Variants in DGKH observed in about 807,000 individuals in gnomAD.
DGKH encodes diacylglycerol kinase eta, also known as DAG kinase eta.
A neutral mutation model predicts 159.3 loss-of-function variants in DGKH; 90 were observed. That is an observed-to-expected ratio of 0.57 (90% CI 0.48 to 0.67). The LOEUF is 0.67. DGKH is among the 30% of genes least tolerant of loss of function. The pLI, the probability that DGKH is intolerant of heterozygous loss-of-function variation, is 0.00. For synonymous variants in DGKH, 536 were observed against 553.8 expected (o/e 0.97, Z 0.45); for missense variants, 1,181 against 1,506.1 (o/e 0.78, Z 3.57).
intron 1 of DGKH, among the ~76,000 whole-genome samples, chr13:42,080,261 AGT>A (rs1266049345): frequency 6.6e-6 from 1 of 152,194 alleles, no homozygotes; most frequent in Non-Finnish European, 1.5e-5. Flanking sequence ...CAAATGTAAG[AGT>A]GTTACAGAAG....
chr13:42,251,099 A>G (rs1958616864), intron 29 of DGKH, among the ~76,000 whole-genome samples: 1 of 152,208 alleles, frequency 6.6e-6, no homozygotes, highest in Non-Finnish European at 1.5e-5. Context: ...AAAGAATAAA[A>G]TGGGTAAAAA....
At chr13:42,051,623 C>A (rs1388038011) in intron 1 of DGKH, among the ~76,000 whole-genome samples, 2 of 142,686 alleles carry the variant, frequency 1.4e-5, no homozygotes, top group African/African-American at 5.1e-5. Context: ...GAGAGGTAGG[C>A]CCTAAGATTA....
chr13:42,229,153 G>A lies in DGKH; in HGVS notation c.3628G>A (p.Glu1210Lys). 1 of 1,611,686 alleles carries A rather than the reference G, an allele frequency of 6.2e-7. No homozygotes were observed. ...HVKRILQGIK[E>K]LGRSTPQSEV is the part of the protein sequence containing the mutation. Reference sequence around the variant, plus strand: ...GAAGCGAATTCTCCAGGGAATTAAAGAGCTTGGAAGGAGCACTCCACAGTC... The same window carrying A: ...GAAGCGAATTCTCCAGGGAATTAAAAAGCTTGGAAGGAGCACTCCACAGTC... Residue 1210 changes from glutamate to lysine, a missense_variant, in exon 30 of 30, where the codon GAG becomes AAG. Around this residue, in one of 5 missense-constraint regions of DGKH, gnomAD observed 84 missense variants for 77.9 expected, o/e 1.08. Transcript: ENST00000337343.
intron 11 of DGKH, among the ~76,000 whole-genome samples, chr13:42,169,902 G>T (rs1317452646): frequency 2.0e-5 from 3 of 152,046 alleles, no homozygotes; most frequent in Admixed American, 2.0e-4. Context: ...ATAATCTGGA[G>T]GTTAAAAGAA....
chr13:42,044,892 C>T (rs1880717501), upstream of DGKH, among the ~76,000 whole-genome samples: 1 of 152,114 alleles, frequency 6.6e-6, no homozygotes, highest in Non-Finnish European at 1.5e-5. Context: ...TTTAGCCAAA[C>T]AAGCCTTACT....
intron 1 of DGKH, among the ~76,000 whole-genome samples, chr13:42,072,063 G>C (rs1329768391): frequency 6.6e-6 from 1 of 152,136 alleles, no homozygotes. Flanking sequence ...GCTGTATTTT[G>C]CTCCTATGAG....
rs185431106 is a variant in DGKH at position 42,067,715 on chromosome 13, T to C, written c.192+18750T>C. 1.7e-4 allele frequency among the ~76,000 whole-genome samples: 26 copies of C among 152,180 alleles called. No homozygotes were observed. In the East Asian group the frequency reaches 4.2e-3, roughly 25 times the overall value. ...TTAATTAATTAATTAATTAATTTTT[T>C]TTTTGCTGGCCATGTTTTATTTGTC... On this transcript the variant is annotated intron_variant, in intron 1 of 29. Transcript: ENST00000337343.
intron 1 of DGKH, among the ~76,000 whole-genome samples, chr13:42,102,234 A>G (rs1209232293): frequency 6.6e-6 from 1 of 152,238 alleles, no homozygotes; most frequent in Non-Finnish European, 1.5e-5. Context: ...ACCCTGAACT[A>G]GAGAAGTTTA....
chr13:42,145,506 A>G (rs546305742), intron 3 of DGKH, among the ~76,000 whole-genome samples: 1 of 152,282 alleles, frequency 6.6e-6, no homozygotes, highest in East Asian at 1.9e-4. Context: ...TCCCACTGAG[A>G]TGGAACTCAA....
intron 3 of DGKH, among the ~76,000 whole-genome samples, chr13:42,143,814 T>G (rs1012235376): frequency 1.3e-5 from 2 of 152,140 alleles, no homozygotes. Flanking sequence ...GTCTTGCTAG[T>G]GGTCTATCAA....
chr13:42,204,303 T>G (rs1033301702), intron 20 of DGKH, among the ~76,000 whole-genome samples: 6 of 152,224 alleles, frequency 3.9e-5, no homozygotes, highest in African/African-American at 1.4e-4. Flanking sequence ...TATTTCATAT[T>G]TATTCATTCA....
At chr13:42,181,865 CAG>C (rs1409850712) in intron 13 of DGKH, 112 of 34,462 alleles carry the variant, frequency 3.2e-3, no homozygotes, top group Non-Finnish European at 4.1e-3. Flanking sequence ...CTGGTGCTGG[CAG>C]CTGAGCTGCT....
At chr13:42,129,360 A>G (rs1383147977) in intron 2 of DGKH, among the ~76,000 whole-genome samples, 192 bp from the exon 3 acceptor site, 2 of 152,184 alleles carry the variant, frequency 1.3e-5, no homozygotes, top group African/African-American at 4.8e-5. Flanking sequence ...AGCCCTTTTC[A>G]GTTGGGGATT....
intron 29 of DGKH, among the ~76,000 whole-genome samples, chr13:42,228,829 A>AT (rs901111055): frequency 9.3e-5 from 14 of 151,120 alleles, no homozygotes; most frequent in African/African-American, 2.4e-4. Context: ...GTAGAATGTG[A>AT]TTTTTTTTTG....
chr13:42,106,751 T>G (rs1047113227), intron 1 of DGKH, among the ~76,000 whole-genome samples: 1 of 152,100 alleles, frequency 6.6e-6, no homozygotes, highest in South Asian at 2.1e-4. Flanking sequence ...ACTGAAAATA[T>G]TGAAAAAAGA....
chr13:42,140,116 CCTGGCCA>C (rs2137881171), intron 3 of DGKH, among the ~76,000 whole-genome samples: 1 of 152,322 alleles, frequency 6.6e-6, no homozygotes, highest in Admixed American at 6.5e-5. Flanking sequence ...GAGGCCAAAC[CCTGGCCA>C]CTGTGTAGAA....
At chr13:42,090,297 G>T (rs1954391924) in intron 1 of DGKH, among the ~76,000 whole-genome samples, 1 of 152,132 alleles carries the variant, frequency 6.6e-6, no homozygotes, top group African/African-American at 2.4e-5. Context: ...ATATTGGGAG[G>T]AATTAATATT....
At chr13:42,058,809 A>T (rs1214884263) in intron 1 of DGKH, among the ~76,000 whole-genome samples, 1 of 152,028 alleles carries the variant, frequency 6.6e-6, no homozygotes, top group Non-Finnish European at 1.5e-5. Flanking sequence ...GTTTTCCCTC[A>T]CCTGCCAGGT....
At chr13:42,121,287 A>G (rs1028186472) in intron 1 of DGKH, among the ~76,000 whole-genome samples, 10 of 152,230 alleles carry the variant, frequency 6.6e-5, no homozygotes, top group Non-Finnish European at 2.9e-5. Flanking sequence ...TTTATTAGAA[A>G]ATAGGCTTTG....
Sources: gnomAD v4.1 joint callset for allele counts (sites outside exome capture counted in the v4.1 genomes callset) on GRCh38, gnomAD v4.1.1 for gene constraint, gnomAD v4.1.1 regional missense constraint, MANE v1.5 for transcripts, NCBI Gene and HGNC (gene_info 2026-07-23, HGNC 2026-07-21) for gene names.